EPHA5: variants seen among roughly 807,000 people sequenced by gnomAD.
The protein encoded by EPHA5 is ephrin type-A receptor 5.
Under a neutral mutation model 105.0 loss-of-function variants are expected in EPHA5, and 60 were observed. The ratio of observed to expected loss-of-function variants is 0.57; its 90% CI spans 0.46 to 0.71. The LOEUF (loss-of-function observed/expected upper bound fraction) is 0.71. Ranked by LOEUF, EPHA5 falls within the 30% of genes least tolerant of loss-of-function variation. The probability of loss-of-function intolerance (pLI) is 0.00; values close to 1 mark genes in which losing one functional copy is unlikely to be tolerated. For missense variants in EPHA5, 1,218 were observed against 1,274.7 expected, an observed-to-expected ratio of 0.96 and a Z score of 0.68; for synonymous variants, 513 against 449.1, an observed-to-expected ratio of 1.14 and a Z score of -1.80.
At chr4:65,406,039 C>T (rs894664389) in intron 7 of EPHA5, among the ~76,000 whole-genome samples, 1 of 151,988 alleles carries the variant, frequency 6.6e-6, no homozygotes, top group Non-Finnish European at 1.5e-5. Flanking sequence ...TAAAATCATC[C>T]CCGTAATGAG....
At chr4:65,442,814 A>G (rs567126967) in intron 5 of EPHA5, among the ~76,000 whole-genome samples, 2 of 152,298 alleles carry the variant, frequency 1.3e-5, no homozygotes, top group South Asian at 2.1e-4. Flanking sequence ...AAGAATAGTC[A>G]TTATGAATTG....
chr4:65,596,194 G>A (rs892301673), intron 3 of EPHA5, among the ~76,000 whole-genome samples: 4 of 152,036 alleles, frequency 2.6e-5, no homozygotes, highest in African/African-American at 4.8e-5. Context: ...TTGTGTTAGC[G>A]GCATGTGTGT....
At chr4:65,410,492 A>G (rs1453583644) in intron 7 of EPHA5, among the ~76,000 whole-genome samples, 1 of 152,198 alleles carries the variant, frequency 6.6e-6, no homozygotes, top group Non-Finnish European at 1.5e-5. Flanking sequence ...GGATTGTTTG[A>G]TGACTTGAGG....
At chr4:65,435,233 G>T (rs975272420) in intron 5 of EPHA5, among the ~76,000 whole-genome samples, 1 of 152,108 alleles carries the variant, frequency 6.6e-6, no homozygotes, top group Non-Finnish European at 1.5e-5. Flanking sequence ...TTAGATTTGT[G>T]TAATAGGCGT....
At position 65,476,099 on chromosome 4, in the gene EPHA5, TGAGA is replaced by T. The variant is rs35934629; in HGVS notation, c.1402+14274_1402+14277del. ...CAAACACTCCCTGCATCAAAATCAC[TGAGA>T]GAGAGAGAGAGAGAGAGAGAGAGAG... is the stretch of plus-strand genomic sequence containing the variant. On this transcript the variant is annotated intron_variant, in intron 5 of 16. Transcript: ENST00000613740. Among the ~76,000 whole-genome samples the T allele has an allele frequency of 6.8e-3, 933 of 138,184 alleles. 5 individuals are homozygous for T. Among genetic ancestry groups the T allele is most frequent in the African/African-American group, 0.013 (455 of 35,982 alleles). 90.7% of individuals were successfully genotyped at this position (138,184 alleles called of 152,430 possible). A position where few individuals can be genotyped will look rare whatever the true frequency, so the allele number is the denominator to read the frequency against.
intron 5 of EPHA5, among the ~76,000 whole-genome samples, chr4:65,452,482 C>T (rs560505587): frequency 2.0e-5 from 3 of 151,154 alleles, no homozygotes; most frequent in Non-Finnish European, 4.4e-5. Flanking sequence ...CACACTCCAG[C>T]GAAGGACAGA....
intron 3 of EPHA5, among the ~76,000 whole-genome samples, chr4:65,569,457 C>T (rs1739896091): frequency 6.6e-6 from 1 of 151,556 alleles, no homozygotes; most frequent in African/African-American, 2.4e-5. Flanking sequence ...TATATTTTCC[C>T]TACCCCCAAG....
chr4:65,609,196 C>T (rs1158599602), intron 2 of EPHA5, among the ~76,000 whole-genome samples: 2 of 152,066 alleles, frequency 1.3e-5, no homozygotes, highest in African/African-American at 4.8e-5. Flanking sequence ...TCTCTAATAG[C>T]TATGATTCTT....
intron 5 of EPHA5, among the ~76,000 whole-genome samples, chr4:65,421,532 T>C (rs1723945267): frequency 6.6e-6 from 1 of 152,158 alleles, no homozygotes; most frequent in African/African-American, 2.4e-5. Flanking sequence ...AATTTCCCAT[T>C]ATCACTACAT....
chr4:65,661,529 C>A (rs1181786658), intron 1 of EPHA5, among the ~76,000 whole-genome samples: 2 of 152,078 alleles, frequency 1.3e-5, no homozygotes, highest in African/African-American at 4.8e-5. Context: ...CTTAGGACAC[C>A]CAGTATGGCA....
chr4:65,669,367 T>C (rs1275770359), intron 1 of EPHA5, 195 bp downstream of exon 1: 1 of 980,948 alleles, frequency 1.0e-6, no homozygotes, highest in Non-Finnish European at 1.2e-6. Flanking sequence ...ACTCCGCAGC[T>C]AACGTCAAAC....
At chr4:65,526,210 G>C (rs1001105812) in intron 3 of EPHA5, among the ~76,000 whole-genome samples, 1 of 151,746 alleles carries the variant, frequency 6.6e-6, no homozygotes, top group South Asian at 2.1e-4. Flanking sequence ...GGATATAAAG[G>C]GAAAGGACTA....
chr4:65,437,525 A>T (rs1175009061), intron 5 of EPHA5, among the ~76,000 whole-genome samples: 2 of 151,940 alleles, frequency 1.3e-5, no homozygotes, highest in African/African-American at 2.4e-5. Context: ...ATCTTCTTAG[A>T]ATGATCAAGA....
At chr4:65,605,740 T>C (rs1436427429) in intron 2 of EPHA5, among the ~76,000 whole-genome samples, 1 of 151,872 alleles carries the variant, frequency 6.6e-6, no homozygotes, top group East Asian at 1.9e-4. Context: ...ACTGTATGGG[T>C]CTTGTATAGA....
At chr4:65,379,586 GATCAGTGTCTGGCAT>G (rs1325741927) in intron 8 of EPHA5, among the ~76,000 whole-genome samples, 1 of 151,538 alleles carries the variant, frequency 6.6e-6, no homozygotes, top group Non-Finnish European at 1.5e-5. Context: ...ATTTTACTTT[GATCAGTGTCTGGCAT>G]ATCAAGTATT....
chr4:65,600,200 CA>C (rs1385109879), intron 3 of EPHA5, among the ~76,000 whole-genome samples: 5 of 152,130 alleles, frequency 3.3e-5, no homozygotes, highest in African/African-American at 9.6e-5. Context: ...CACCTTAAAC[CA>C]ATAAGATTGC....
chr4:65,610,877 C>G (rs1242861965), intron 2 of EPHA5, among the ~76,000 whole-genome samples: 2 of 152,058 alleles, frequency 1.3e-5, no homozygotes, highest in Non-Finnish European at 2.9e-5. Flanking sequence ...TATGGAGACA[C>G]CTTCATACTT....
intron 3 of EPHA5, among the ~76,000 whole-genome samples, chr4:65,542,863 A>T (rs952696981): frequency 1.3e-4 from 20 of 152,016 alleles, no homozygotes; most frequent in African/African-American, 4.6e-4. Context: ...CACATGAAAA[A>T]GATTATCACT....
At chr4:65,507,360 G>C (rs1733146006) in intron 3 of EPHA5, among the ~76,000 whole-genome samples, 2 of 152,092 alleles carry the variant, frequency 1.3e-5, no homozygotes, top group Admixed American at 1.3e-4. Context: ...GCTCTTTTTT[G>C]GTTCCATATG....
Sources: gnomAD v4.1 joint callset for allele counts (sites outside exome capture counted in the v4.1 genomes callset) on GRCh38, gnomAD v4.1.1 for gene constraint, MANE v1.5 for transcripts, NCBI Gene and HGNC (gene_info 2026-07-23, HGNC 2026-07-21) for gene names.